Variants in TOP6BL observed in about 807,000 individuals in gnomAD.
TOP6BL encodes TOP6B like initiator of meiotic double strand breaks.
At chr11:66,829,107 C>T in the TOP6BL span, among the ~76,000 whole-genome samples, 62 of 150,444 alleles carry the variant, frequency 4.1e-4, no homozygotes, top group African/African-American at 1.5e-3. Flanking sequence ...TAGCTGAGGC[C>T]GGGCATAGTG....
At chr11:66,824,640 C>T in the TOP6BL span, among the ~76,000 whole-genome samples, 70 of 138,934 alleles carry the variant, frequency 5.0e-4, no homozygotes, top group African/African-American at 1.7e-3. Context: ...TGTTCCCCTT[C>T]CTGTGTCCAT....
At chr11:66,751,284 T>C in the TOP6BL span, among the ~76,000 whole-genome samples, 2 of 152,202 alleles carry the variant, frequency 1.3e-5, no homozygotes, top group Non-Finnish European at 2.9e-5. Context: ...AACCTCTGCC[T>C]CCCAGATTCA....
chr11:66,775,594 C>T, the TOP6BL span, among the ~76,000 whole-genome samples: 1 of 152,140 alleles, frequency 6.6e-6, no homozygotes, highest in Non-Finnish European at 1.5e-5. Flanking sequence ...TGCCATGAGG[C>T]TAGGATGTCT....
the TOP6BL span, among the ~76,000 whole-genome samples, chr11:66,801,484 A>G: frequency 6.6e-6 from 1 of 152,162 alleles, no homozygotes. Flanking sequence ...GTGCATCAGC[A>G]TTTTGCATAG....
At chr11:66,771,955 A>G in the TOP6BL span, among the ~76,000 whole-genome samples, 2 of 152,242 alleles carry the variant, frequency 1.3e-5, no homozygotes, top group African/African-American at 4.8e-5. Context: ...AATACATTTT[A>G]TAAGACTATA....
chr11:66,762,074 T>C, the TOP6BL span: 5 of 1,257,914 alleles, frequency 4.0e-6, no homozygotes, highest in Non-Finnish European at 5.8e-6. Context: ...TTCTGTCCCA[T>C]TCAGTTCCAG....
At chr11:66,777,010 G>A in the TOP6BL span, among the ~76,000 whole-genome samples, 6,237 of 148,346 alleles carry the variant, frequency 0.042, 205 homozygotes, top group Non-Finnish European at 0.055. Flanking sequence ...CCAGAATCAT[G>A]CCCATCATGT....
At chr11:66,817,695 C>A in the TOP6BL span, among the ~76,000 whole-genome samples, 3 of 152,212 alleles carry the variant, frequency 2.0e-5, no homozygotes, top group East Asian at 5.8e-4. Flanking sequence ...CCTCAGCCCC[C>A]CAAAGTACTG....
chr11:66,831,129 GAAGA>G, the TOP6BL span, among the ~76,000 whole-genome samples: 1 of 152,196 alleles, frequency 6.6e-6, no homozygotes, highest in African/African-American at 2.4e-5. Flanking sequence ...CAAGCATGTG[GAAGA>G]AAGAACTCAC....
chr11:66,762,096 C>T, the TOP6BL span: 4 of 1,132,596 alleles, frequency 3.5e-6, no homozygotes, highest in Non-Finnish European at 5.4e-6. Context: ...TCCCAAACTC[C>T]AGACATCTTA....
At chr11:66,827,291 C>A in the TOP6BL span, among the ~76,000 whole-genome samples, 1 of 152,052 alleles carries the variant, frequency 6.6e-6, no homozygotes, top group African/African-American at 2.4e-5. Flanking sequence ...CTCAGGTGAT[C>A]CACCTGCCTT....
At chr11:66,806,735 G>A in the TOP6BL span, among the ~76,000 whole-genome samples, 1 of 151,948 alleles carries the variant, frequency 6.6e-6, no homozygotes, top group Non-Finnish European at 1.5e-5. Flanking sequence ...CAGCCTGGGC[G>A]ACAGAGCAAG....
the TOP6BL span, among the ~76,000 whole-genome samples, chr11:66,837,118 CA>C: frequency 6.6e-6 from 1 of 151,968 alleles, no homozygotes; most frequent in Non-Finnish European, 1.5e-5. Flanking sequence ...ATAGGAAGCA[CA>C]AATTTTATTT....
the TOP6BL span, chr11:66,801,308 C>G: frequency 1.7e-6 from 1 of 585,526 alleles, no homozygotes; most frequent in Non-Finnish European, 3.0e-6. Flanking sequence ...TCTAAATGAC[C>G]TGAAGACATG....
the TOP6BL span, chr11:66,800,950 AG>A: frequency 6.9e-7 from 1 of 1,445,928 alleles, no homozygotes; most frequent in South Asian, 1.2e-5. Flanking sequence ...GGGTGGTAGT[AG>A]TCATGGGCCA....
the TOP6BL span, among the ~76,000 whole-genome samples, chr11:66,775,095 A>G: frequency 7.7e-6 from 1 of 129,366 alleles, no homozygotes; most frequent in Admixed American, 9.9e-5. Flanking sequence ...CCTGGGTGAC[A>G]GAGTGAGACT....
At chr11:66,821,358 G>A in the TOP6BL span, among the ~76,000 whole-genome samples, 1 of 149,926 alleles carries the variant, frequency 6.7e-6, no homozygotes, top group East Asian at 2.0e-4. Context: ...CACAATCTTG[G>A]CTCACTGCAA....
At chr11:66,745,354 C>T in the TOP6BL span, among the ~76,000 whole-genome samples, 463 of 151,752 alleles carry the variant, frequency 3.1e-3, 2 homozygotes, top group Non-Finnish European at 4.0e-3. Context: ...AAGGAGGGAC[C>T]CAGTGCAGAC....
the TOP6BL span, chr11:66,843,352 GGGCCC>G: frequency 7.5e-6 from 11 of 1,460,440 alleles, no homozygotes; most frequent in Non-Finnish European, 9.0e-6. Flanking sequence ...CTTCCGCGTC[GGGCCC>G]GGGCGGGGCG....
Sources: gnomAD v4.1 joint callset for allele counts (sites outside exome capture counted in the v4.1 genomes callset) on GRCh38, gnomAD v4.1.1 for gene constraint, MANE v1.5 for transcripts, NCBI Gene and HGNC (gene_info 2026-07-23, HGNC 2026-07-21) for gene names.